The following ZER1 variants were observed in gnomAD, a reference collection of about 807,000 sequenced individuals.
The protein encoded by ZER1 is zyg-11 related cell cycle regulator.
ZER1 carries 11 observed loss-of-function variants against 78.8 expected under a neutral mutation model. The observed-to-expected ratio is 0.14, with a 90% CI of 0.09 to 0.23. The LOEUF (loss-of-function observed/expected upper bound fraction) is 0.23, where lower values mean the gene tolerates loss of function less well. Ranked by LOEUF, ZER1 falls within the 10% of genes least tolerant of loss-of-function variation. The probability of loss-of-function intolerance (pLI) is 1.00; values close to 1 mark genes in which losing one functional copy is unlikely to be tolerated. For synonymous variants in ZER1, 400 were observed against 407.0 expected, an observed-to-expected ratio of 0.98 and a Z score of 0.21; for missense variants, 588 against 996.9, an observed-to-expected ratio of 0.59 and a Z score of 5.52.
rs1228883276 is a variant in ZER1, at chr9:128,751,180, T to C, written c.1127A>G (p.Asn376Ser). The C allele has an allele frequency of 2.5e-6, 4 of 1,608,098 alleles. No individual in the cohort carries two copies. Among genetic ancestry groups the C allele is most frequent in the East Asian group, 2.2e-5 (1 of 44,642 alleles). ...GATGCGGGCGATGTCAAAAAGCAAG[T>C]TGATGGCCCGCGAGGTGATCTCAGG... ...HRPEITSRAINLLFDIARIER... is the reference protein window; with the variant it reads ...HRPEITSRAISLLFDIARIER... The change falls in exon 7 of 16, where the codon AAC becomes AGC. Residue 376 changes from asparagine to serine, a missense_variant. By Grantham distance (46) the Asn-to-Ser change is conservative. Transcript: ENST00000291900. The surrounding 1 kb of genome is among the most constrained non-coding windows in gnomAD (Gnocchi z 5.4).
chr9:128,761,101 T>G (rs1216492380), intron 1 of ZER1, among the ~76,000 whole-genome samples: 1 of 130,620 alleles, frequency 7.7e-6, no homozygotes, highest in Non-Finnish European at 1.6e-5. Context: ...GAGCTTGCAG[T>G]GAGCCGAGAT....
intron 1 of ZER1, among the ~76,000 whole-genome samples, chr9:128,770,255 C>G (rs1864341446): frequency 6.6e-6 from 1 of 152,122 alleles, no homozygotes; most frequent in East Asian, 1.9e-4. Flanking sequence ...TCCTGAGTAA[C>G]TTGGATTACA....
At chr9:128,766,653 C>T (rs550622237) in intron 1 of ZER1, among the ~76,000 whole-genome samples, 1 of 152,042 alleles carries the variant, frequency 6.6e-6, no homozygotes, top group East Asian at 2.0e-4. Flanking sequence ...CGAGCCCAGC[C>T]TGGCCAACAT....
rs1338520954 is a variant in ZER1 at position 128,751,833 on chromosome 9, C to T, written c.924-306G>A. Among the ~76,000 whole-genome samples the T allele has an allele frequency of 1.3e-5, 2 of 152,196 alleles. No individual in the cohort carries two copies. The highest frequency in any genetic ancestry group is 2.9e-5 in the Non-Finnish European group (2 of 68,046). On this transcript the variant is annotated intron_variant, in intron 5 of 15. Coordinates refer to ENST00000291900, the MANE Select transcript of ZER1 (RefSeq NM_006336.4). The surrounding 1 kb of genome is among the most constrained non-coding windows in gnomAD (Gnocchi z 5.4). ...TCACAAAGGGACAAGCTCAACTGAA[C>T]ACCATTAAAGCAGGCTGGGGCCAGG... is the stretch of plus-strand genomic sequence containing the variant.
At chr9:128,734,175 A>AT (rs1554784885) in intron 14 of ZER1, among the ~76,000 whole-genome samples, 3 of 73,652 alleles carry the variant, frequency 4.1e-5, no homozygotes, top group African/African-American at 7.2e-5. Context: ...AATCTTAAAA[A>AT]AAATATATAT....
At chr9:128,770,142 G>T (rs965318970) in intron 1 of ZER1, among the ~76,000 whole-genome samples, 3 of 151,706 alleles carry the variant, frequency 2.0e-5, no homozygotes, top group Non-Finnish European at 4.4e-5. Context: ...TTTTTTTTGA[G>T]ACAGAGTCTC....
intron 1 of ZER1, among the ~76,000 whole-genome samples, chr9:128,767,135 GT>G (rs71383603): frequency 0.41 from 61,543 of 151,150 alleles, 12,829 homozygotes; most frequent in East Asian, 0.62. Context: ...TAGAGACAGG[GT>G]TTTGCCATGT....
intron 14 of ZER1, among the ~76,000 whole-genome samples, chr9:128,733,852 G>A (rs1426061563): frequency 4.9e-5 from 7 of 143,326 alleles, no homozygotes; most frequent in Non-Finnish European, 7.6e-5. Context: ...ATATATGGCC[G>A]GGCACGGTGG....
chr9:128,751,159 C>A lies in ZER1; in HGVS notation c.1148G>T (p.Arg383Leu). ...CAGCAGCTGGTTGCAACGCTCGATG[C>A]GGGCGATGTCAAAAAGCAAGTTGAT... ...RAINLLFDIA[R>L]IERCNQLLRA... The change falls in exon 7 of 16, where the codon CGC becomes CTC. Residue 383 changes from arginine to leucine, a missense_variant. Physicochemically the swap from Arg to Leu is moderately radical, Grantham distance 102. Around this residue, in one of 3 missense-constraint regions of ZER1, gnomAD observed 406 missense variants for 660.1 expected, o/e 0.62. Coordinates refer to ENST00000291900, the MANE Select transcript of ZER1 (RefSeq NM_006336.4). This position sits in a 1 kb window ranked among gnomAD's most constrained non-coding sequence, Gnocchi z 5.4. 6.2e-7 allele frequency: 1 copy of A among 1,603,614 alleles called. No individual in the cohort carries two copies. Among genetic ancestry groups the A allele is most frequent in the Non-Finnish European group, 8.5e-7 (1 of 1,172,940 alleles).
At chr9:128,747,807 T>C (rs1219355050) in intron 8 of ZER1, among the ~76,000 whole-genome samples, 2 of 152,040 alleles carry the variant, frequency 1.3e-5, no homozygotes, top group African/African-American at 4.8e-5. Flanking sequence ...TTAGTAGAGA[T>C]AGGGTTTCAC....
At chr9:128,731,871 G>A (rs1167175118) in intron 15 of ZER1, among the ~76,000 whole-genome samples, 1 of 152,220 alleles carries the variant, frequency 6.6e-6, no homozygotes, top group Non-Finnish European at 1.5e-5. Flanking sequence ...AGCTGTGCTC[G>A]CACAAGGGCC....
At chr9:128,738,026 TATTC>T (rs901824492) in intron 13 of ZER1, among the ~76,000 whole-genome samples, 3 of 130,962 alleles carry the variant, frequency 2.3e-5, no homozygotes, top group Non-Finnish European at 5.0e-5. Flanking sequence ...TTGTTTTTTT[TATTC>T]ATTTTTATTT....
chr9:128,769,975 G>C (rs1262144284), intron 1 of ZER1, among the ~76,000 whole-genome samples: 1 of 151,832 alleles, frequency 6.6e-6, no homozygotes, highest in African/African-American at 2.4e-5. Flanking sequence ...GTTCTGAAAG[G>C]GTGTCCCATT....
intron 8 of ZER1, among the ~76,000 whole-genome samples, chr9:128,744,613 C>T (rs568860145): frequency 1.3e-5 from 2 of 151,690 alleles, no homozygotes; most frequent in South Asian, 4.2e-4. Flanking sequence ...CAAGTAGCTG[C>T]GATTACAGGC....
In ZER1 at chr9:128,754,044, C is replaced by A; in HGVS notation, c.159-85G>T. The A allele has an allele frequency of 6.7e-7, 1 of 1,498,244 alleles. No homozygotes were observed. The highest frequency in any genetic ancestry group is 9.0e-7 in the Non-Finnish European group (1 of 1,114,494). The allele number at this position is 1,498,244 out of a possible 1,614,324, so 92.8% of individuals were successfully genotyped here. On this transcript the variant is annotated intron_variant, in intron 2 of 15. Coordinates refer to ENST00000291900, the MANE Select transcript of ZER1 (RefSeq NM_006336.4). This position sits in a 1 kb window ranked among gnomAD's most constrained non-coding sequence, Gnocchi z 4.3. Reference sequence around the variant, plus strand: ...AAGCCAAGCCCTCCTCCCCCTGAAGCTTTCTTGGATCACCCCAAGTAGCAA... The same window carrying A: ...AAGCCAAGCCCTCCTCCCCCTGAAGATTTCTTGGATCACCCCAAGTAGCAA...
intron 1 of ZER1, among the ~76,000 whole-genome samples, chr9:128,767,341 C>T (rs913177330): frequency 1.3e-5 from 2 of 152,070 alleles, no homozygotes; most frequent in Non-Finnish European, 2.9e-5. Context: ...CCACCTCTCA[C>T]GTTCAAGCAA....
In ZER1 at chr9:128,737,698, TTTC is replaced by T. The variant is rs370749592; in HGVS notation, c.2042+2230_2042+2232del. Among the ~76,000 whole-genome samples, 302 of 152,192 alleles carry T rather than the reference TTTC, an allele frequency of 2.0e-3. 1 individual carries two copies. Among genetic ancestry groups the T allele is most frequent in the African/African-American group, 6.2e-3 (257 of 41,540 alleles). On this transcript the variant is annotated intron_variant, in intron 13 of 15. Coordinates refer to ENST00000291900, the MANE Select transcript of ZER1 (RefSeq NM_006336.4). The stretch of plus-strand genomic sequence containing the variant: ...GAGTGAGATTATGAACGATTCTTGT[TTTC>T]TTCTTCTTCTTTTTTTTTTGAGATG...
intron 1 of ZER1, among the ~76,000 whole-genome samples, chr9:128,767,371 G>C (rs1403195953): frequency 6.6e-6 from 1 of 151,868 alleles, no homozygotes; most frequent in South Asian, 2.1e-4. Flanking sequence ...TCAGCCTCTG[G>C]AGTAGCTGTG....
intron 1 of ZER1, among the ~76,000 whole-genome samples, chr9:128,757,716 A>G (rs1231999167): frequency 6.6e-6 from 1 of 152,172 alleles, no homozygotes; most frequent in African/African-American, 2.4e-5. Context: ...CATGGGCAAT[A>G]CCTGGCATTG....
Sources: gnomAD v4.1 joint callset for allele counts (sites outside exome capture counted in the v4.1 genomes callset) on GRCh38, gnomAD v4.1.1 for gene constraint, gnomAD v4.1.1 regional missense constraint, Gnocchi (gnomAD v3.1) non-coding constraint, MANE v1.5 for transcripts, NCBI Gene and HGNC (gene_info 2026-07-23, HGNC 2026-07-21) for gene names.